NDC1: variants seen among roughly 807,000 people sequenced by gnomAD.
NDC1 encodes NDC1 transmembrane nucleoporin, also known as nucleoporin NDC1.
Under a neutral mutation model 89.8 loss-of-function variants are expected in NDC1, and 24 were observed. That is an observed-to-expected ratio of 0.27 (90% CI 0.19 to 0.38). The LOEUF (loss-of-function observed/expected upper bound fraction) is 0.38. Ranked by LOEUF, NDC1 falls within the 10% of genes least tolerant of loss-of-function variation. The probability of loss-of-function intolerance (pLI) is 1.00; values close to 1 mark genes in which losing one functional copy is unlikely to be tolerated. For missense variants in NDC1, 728 were observed against 797.6 expected, an observed-to-expected ratio of 0.91 and a Z score of 1.05; for synonymous variants, 296 against 284.8, an observed-to-expected ratio of 1.04 and a Z score of -0.39.
intron 10 of NDC1, among the ~76,000 whole-genome samples, chr1:53,802,056 T>A (rs13376707): frequency 1.0e-3 from 158 of 152,332 alleles, no homozygotes; most frequent in African/African-American, 3.7e-3. Context: ...ATTTTTTTTA[T>A]GTGCTAGAAT....
At chr1:53,837,740 G>A (rs375388080) in intron 1 of NDC1, among the ~76,000 whole-genome samples, 1 of 152,146 alleles carries the variant, frequency 6.6e-6, no homozygotes, top group South Asian at 2.1e-4. Context: ...ACTTTAAGGA[G>A]GAAGTACTAT....
At position 53,819,074 on chromosome 1, in the gene NDC1, G is replaced by A; in HGVS notation, c.600C>T (p.Tyr200=). The A allele has an allele frequency of 6.7e-7, 1 of 1,494,952 alleles. No homozygotes were observed. The highest frequency in any genetic ancestry group is 9.2e-7 in the Non-Finnish European group (1 of 1,087,966). 92.6% of individuals were successfully genotyped at this position (1,494,952 alleles called of 1,614,324 possible). A position where few individuals can be genotyped will look rare whatever the true frequency, so the allele number is the denominator to read the frequency against. ...NYLPFPIIQQ[Y]KFLRFRRSLL... ...GAGATCTCCTAAAACGCAAGAACTT[G>A]TATTGCTGTGGGGAAAAAAAAAAGA... The change falls in exon 6 of 18, where the codon TAC becomes TAT. Residue 200 remains tyrosine (Y), a synonymous_variant. Transcript: ENST00000371429.
rs1557558612 is a variant in NDC1 at position 53,765,715 on chromosome 1, A to AG, written c.*2254dup. On this transcript the variant is annotated 3_prime_UTR_variant, in exon 18 of 18. Coordinates refer to ENST00000371429, the MANE Select transcript of NDC1 (RefSeq NM_018087.5). ...GTTCTGTGGATTTATACCTTCCATA[A>AG]GGGTCAAGCAAACATGCTAAGAGCT... 2 of 152,282 alleles carry AG rather than the reference A, an allele frequency of 1.3e-5. No homozygotes were observed. The highest frequency in any genetic ancestry group is 2.9e-5 in the Non-Finnish European group (2 of 68,024). 9.4% of individuals were successfully genotyped at this position (152,282 alleles called of 1,614,324 possible).
chr1:53,833,895 A>G (rs796765850), intron 2 of NDC1, among the ~76,000 whole-genome samples: 5 of 150,842 alleles, frequency 3.3e-5, no homozygotes, highest in African/African-American at 9.8e-5. Flanking sequence ...GCGTGATCTC[A>G]GCTCACTGCA....
chr1:53,797,567 T>C (rs918236967), intron 11 of NDC1, among the ~76,000 whole-genome samples: 1 of 152,182 alleles, frequency 6.6e-6, no homozygotes, highest in Non-Finnish European at 1.5e-5. Context: ...TGTGAACATA[T>C]ACAGGAAAAA....
At chr1:53,829,536 T>C (rs886349281) in intron 3 of NDC1, among the ~76,000 whole-genome samples, 2 of 152,254 alleles carry the variant, frequency 1.3e-5, no homozygotes, top group Non-Finnish European at 2.9e-5. Flanking sequence ...CAATGTACTG[T>C]AATCAAATAT....
chr1:53,810,014 C>G (rs1477488509), intron 6 of NDC1, among the ~76,000 whole-genome samples: 4 of 152,206 alleles, frequency 2.6e-5, no homozygotes, highest in African/African-American at 9.6e-5. Flanking sequence ...ACTCTAGTTA[C>G]TGTGGTATAT....
chr1:53,797,099 G>A lies in NDC1; in HGVS notation c.1268C>T (p.Pro423Leu), dbSNP rs990904873. ...QTPKSSQMPR[P>L]SVPPLVKTSL... Reference sequence around the variant, plus strand: ...TGTTTTAACTAATGGTGGCACTGAAGGCCGAGGCATCTGGCTAGATTTTGG... The same window carrying A: ...TGTTTTAACTAATGGTGGCACTGAAAGCCGAGGCATCTGGCTAGATTTTGG... The change falls in exon 12 of 18, where the codon CCT (proline) becomes CTT (leucine). Residue 423 changes from proline to leucine, a missense_variant. Transcript: ENST00000371429. The A allele has an allele frequency of 6.2e-7, 1 of 1,614,162 alleles. No individual in the cohort carries two copies. The highest frequency in any genetic ancestry group is 8.5e-7 in the Non-Finnish European group (1 of 1,180,004).
rs576775597 is a variant in NDC1, at chr1:53,765,585, T to C, written c.*2385A>G. On this transcript the variant is annotated 3_prime_UTR_variant, in exon 18 of 18. Coordinates refer to ENST00000371429, the MANE Select transcript of NDC1 (RefSeq NM_018087.5). ...TTTACAGGATGACACACCAAACAATTACCAAGGAACAAATCCTGCAAAGTA... is the reference window on the plus strand; with the variant it reads ...TTTACAGGATGACACACCAAACAATCACCAAGGAACAAATCCTGCAAAGTA... The C allele has an allele frequency of 6.6e-6, 1 of 152,266 alleles. No individual in the cohort carries two copies. Among genetic ancestry groups the C allele is most frequent in the African/African-American group, 2.4e-5 (1 of 41,568 alleles). 9.4% of individuals were successfully genotyped at this position (152,266 alleles called of 1,614,324 possible).
At chr1:53,780,070 T>C (rs904385208) in intron 16 of NDC1, among the ~76,000 whole-genome samples, 1 of 152,154 alleles carries the variant, frequency 6.6e-6, no homozygotes, top group Non-Finnish European at 1.5e-5. Context: ...TTCTTTTTTT[T>C]CTTTTTTTGA....
chr1:53,808,061 A>G (rs1444788915), intron 7 of NDC1, among the ~76,000 whole-genome samples: 1 of 152,204 alleles, frequency 6.6e-6, no homozygotes, highest in African/African-American at 2.4e-5. Flanking sequence ...GGAATGAGCT[A>G]AGCCTATAAG....
In NDC1 at chr1:53,766,957, A is replaced by C. The variant is rs1267972503; in HGVS notation, c.*1013T>G. On this transcript the variant is annotated 3_prime_UTR_variant, in exon 18 of 18. Coordinates refer to ENST00000371429, the MANE Select transcript of NDC1 (RefSeq NM_018087.5). ...ACTTCCAAGTACAGTAATCCCTCTG[A>C]CGTTTTGGTTTCACTTGCTATTTGA... 1 of 152,292 alleles carries C rather than the reference A, an allele frequency of 6.6e-6. No homozygotes were observed. The highest frequency in any genetic ancestry group is 1.9e-4 in the East Asian group (1 of 5,184). 9.4% of individuals were successfully genotyped at this position (152,292 alleles called of 1,614,324 possible). A position where few individuals can be genotyped will look rare whatever the true frequency, so the allele number is the denominator to read the frequency against.
intron 6 of NDC1, 46 bp from the exon 7 acceptor site, chr1:53,809,792 C>T: frequency 1.3e-6 from 2 of 1,490,446 alleles, no homozygotes; most frequent in Non-Finnish European, 1.9e-6. Flanking sequence ...AGTTATAAAA[C>T]AAGTTTTAGT....
At chr1:53,820,154 T>C (rs111664604) in intron 5 of NDC1, among the ~76,000 whole-genome samples, 18,634 of 150,254 alleles carry the variant, frequency 0.12, 1,552 homozygotes, top group East Asian at 0.34. Context: ...ACTCGGGAGG[T>C]TGACGCAGGA....
At chr1:53,833,542 C>T (rs1217559236) in intron 2 of NDC1, among the ~76,000 whole-genome samples, 1 of 152,106 alleles carries the variant, frequency 6.6e-6, no homozygotes, top group Non-Finnish European at 1.5e-5. Flanking sequence ...ATCTCTTCTT[C>T]ATAAATGCAA....
intron 16 of NDC1, among the ~76,000 whole-genome samples, chr1:53,777,088 G>T (rs569647533): frequency 1.0e-3 from 156 of 151,908 alleles, no homozygotes; most frequent in African/African-American, 3.7e-3. Flanking sequence ...AGTGCAGTAG[G>T]GCAAGCATAC....
intron 6 of NDC1, among the ~76,000 whole-genome samples, chr1:53,816,839 C>T (rs1648498199): frequency 6.6e-6 from 1 of 151,892 alleles, no homozygotes; most frequent in African/African-American, 2.4e-5. Context: ...AGAAGATATA[C>T]AAATAGTCAA....
intron 1 of NDC1, among the ~76,000 whole-genome samples, chr1:53,836,253 C>T (rs534776025): frequency 5.5e-4 from 83 of 151,878 alleles, no homozygotes; most frequent in Non-Finnish European, 3.2e-4. Flanking sequence ...GGAGGCAGTC[C>T]ACCAAAAAGC....
chr1:53,790,386 A>G (rs1570176090), intron 14 of NDC1, among the ~76,000 whole-genome samples: 1 of 147,512 alleles, frequency 6.8e-6, no homozygotes, highest in African/African-American at 2.5e-5. Context: ...ACCCCAAAAA[A>G]CCAAAATAAA....
Sources: allele counts gnomAD v4.1 joint callset (sites outside exome capture counted in the v4.1 genomes callset), GRCh38; gene constraint gnomAD v4.1.1; transcripts MANE v1.5; gene names NCBI Gene and HGNC (gene_info 2026-07-23, HGNC 2026-07-21).